The following CNTNAP2 variants were observed in gnomAD, a reference collection of about 807,000 sequenced individuals.
The protein encoded by CNTNAP2 is contactin associated protein 2.
Under a neutral mutation model 155.2 loss-of-function variants are expected in CNTNAP2, and 98 were observed. The observed-to-expected ratio is 0.63, with a 90% confidence interval of 0.54 to 0.75. The LOEUF (loss-of-function observed/expected upper bound fraction) is 0.75. CNTNAP2 is among the 30% of genes least tolerant of loss of function. The pLI is 0.00. For missense variants in CNTNAP2, 1,727 were observed against 1,688.1 expected (o/e 1.02, Z -0.40); for synonymous variants, 651 against 631.2 (o/e 1.03, Z -0.47).
intron 2 of CNTNAP2, among the ~76,000 whole-genome samples, chr7:146,838,081 T>C (rs944495241): frequency 3.9e-5 from 6 of 152,174 alleles, no homozygotes; most frequent in Non-Finnish European, 7.3e-5. Context: ...TGGGACTCTG[T>C]CCTGTTAATT....
At chr7:146,396,517 T>A (rs1639484) in intron 1 of CNTNAP2, among the ~76,000 whole-genome samples, 75,529 of 151,710 alleles carry the variant, frequency 0.5, 20,568 homozygotes, top group African/African-American at 0.72. Flanking sequence ...TTACTTGATT[T>A]GGCAATTATT....
intron 22 of CNTNAP2, among the ~76,000 whole-genome samples, chr7:148,407,862 G>C (rs1234392825): frequency 6.6e-6 from 1 of 152,156 alleles, no homozygotes; most frequent in African/African-American, 2.4e-5. Flanking sequence ...TAGTGTCTGT[G>C]CTTTTACTCA....
chr7:147,005,310 C>A (rs1464836511), intron 3 of CNTNAP2, among the ~76,000 whole-genome samples: 1 of 151,914 alleles, frequency 6.6e-6, no homozygotes, highest in Non-Finnish European at 1.5e-5. Flanking sequence ...TTCCTAGGAG[C>A]AACCCTTGTT....
At chr7:146,470,096 C>T (rs926026788) in intron 1 of CNTNAP2, among the ~76,000 whole-genome samples, 7 of 152,118 alleles carry the variant, frequency 4.6e-5, no homozygotes, top group Non-Finnish European at 1.0e-4. Context: ...GTCTCGGCCT[C>T]CCAAAGTGCT....
chr7:147,261,385 C>T (rs775387014), intron 8 of CNTNAP2, among the ~76,000 whole-genome samples: 1 of 152,156 alleles, frequency 6.6e-6, no homozygotes, highest in Non-Finnish European at 1.5e-5. Context: ...AACACACCCT[C>T]TACCCCCAGA....
chr7:147,570,980 T>C (rs1800277021), intron 12 of CNTNAP2, among the ~76,000 whole-genome samples: 1 of 152,208 alleles, frequency 6.6e-6, no homozygotes, highest in African/African-American at 2.4e-5. Context: ...TCATTATCTG[T>C]GGTTTGGACA....
intron 1 of CNTNAP2, among the ~76,000 whole-genome samples, chr7:146,612,348 GATT>G (rs1333431839): frequency 6.6e-6 from 1 of 152,106 alleles, no homozygotes; most frequent in Non-Finnish European, 1.5e-5. Context: ...AGATGTGAAA[GATT>G]ATTTCAGCTT....
At chr7:146,162,227 G>C (rs1321417181) in intron 1 of CNTNAP2, among the ~76,000 whole-genome samples, 7 of 152,114 alleles carry the variant, frequency 4.6e-5, no homozygotes, top group Admixed American at 2.6e-4. Context: ...GAACAGGCAA[G>C]CTACAGAATG....
chr7:147,209,073 T>C (rs1302729235), intron 8 of CNTNAP2, among the ~76,000 whole-genome samples: 2 of 152,000 alleles, frequency 1.3e-5, no homozygotes, highest in African/African-American at 4.8e-5. Flanking sequence ...TTATCCGGGG[T>C]CCTTTATGGT....
intron 16 of CNTNAP2, among the ~76,000 whole-genome samples, chr7:148,138,180 G>A (rs1804997181): frequency 6.6e-6 from 1 of 152,164 alleles, no homozygotes; most frequent in African/African-American, 2.4e-5. Context: ...TCCTTCCAAA[G>A]CCATAGCCTT....
chr7:147,207,926 T>A (rs1215786154), intron 8 of CNTNAP2, among the ~76,000 whole-genome samples: 3 of 152,156 alleles, frequency 2.0e-5, no homozygotes, highest in Non-Finnish European at 4.4e-5. Context: ...CATAGTGCTT[T>A]GAGTCTGTAC....
At chr7:147,612,401 CTTT>C (rs565607932) in intron 12 of CNTNAP2, among the ~76,000 whole-genome samples, 1 of 133,020 alleles carries the variant, frequency 7.5e-6, no homozygotes, top group Non-Finnish European at 1.6e-5. Context: ...AATTTTCTTT[CTTT>C]TTTTTTTTTT....
intron 1 of CNTNAP2, among the ~76,000 whole-genome samples, chr7:146,300,851 C>T (rs1025303929): frequency 3.9e-5 from 6 of 152,070 alleles, no homozygotes; most frequent in Admixed American, 2.0e-4. Context: ...TTGATGTTAA[C>T]TCTCAGTTTC....
At chr7:148,243,796 A>G (rs943463299) in intron 20 of CNTNAP2, among the ~76,000 whole-genome samples, 3 of 152,130 alleles carry the variant, frequency 2.0e-5, no homozygotes, top group African/African-American at 7.2e-5. Context: ...AAGACAAAAA[A>G]AAAAGAAAAA....
At chr7:146,953,329 G>A (rs1797360620) in intron 3 of CNTNAP2, among the ~76,000 whole-genome samples, 1 of 151,946 alleles carries the variant, frequency 6.6e-6, no homozygotes, top group Non-Finnish European at 1.5e-5. Context: ...GTATCATTTA[G>A]TGTGTATGTC....
At chr7:148,226,453 TGCAGCTG>T (rs1483199397) in intron 19 of CNTNAP2, among the ~76,000 whole-genome samples, 1 of 151,994 alleles carries the variant, frequency 6.6e-6, no homozygotes, top group Non-Finnish European at 1.5e-5. Flanking sequence ...GATAATTGGC[TGCAGCTG>T]GCACCAAGGA....
At chr7:148,202,313 A>G (rs1226259856) in intron 18 of CNTNAP2, among the ~76,000 whole-genome samples, 1 of 152,154 alleles carries the variant, frequency 6.6e-6, no homozygotes, top group East Asian at 1.9e-4. Flanking sequence ...AGATAGTAGT[A>G]TGTGTGTGTA....
intron 11 of CNTNAP2, among the ~76,000 whole-genome samples, chr7:147,515,321 C>CTTTTTTTTTTTTTTTTTTTTTTTTTTT (rs763147267): frequency 3.2e-5 from 4 of 126,166 alleles, no homozygotes; most frequent in Admixed American, 9.1e-5. Flanking sequence ...TCATTATATT[C>CTTTTTTTTTTTTTTTTTTTTTTTTTTT]TTTTTTTGTT....
Position 147,800,069 on chromosome 7 carries a change from A to T in CNTNAP2, c.2099-103496A>T, listed in dbSNP as rs192998556. 8.9e-4 allele frequency among the ~76,000 whole-genome samples: 135 copies of T among 152,358 alleles called. 2 individuals carry two copies. Among genetic ancestry groups the T allele is most frequent in the African/African-American group, 3.0e-3 (125 of 41,582 alleles). ...ATATAGTATGTGTCAAAATTAAATA[A>T]GATAATAATATAAGACAATGAGGCA... On this transcript the variant is annotated intron_variant, in intron 13 of 23. Coordinates refer to ENST00000361727, the MANE Select transcript of CNTNAP2 (RefSeq NM_014141.6).
Sources: allele counts gnomAD v4.1 joint callset (sites outside exome capture counted in the v4.1 genomes callset), GRCh38; gene constraint gnomAD v4.1.1; transcripts MANE v1.5; gene names NCBI Gene and HGNC (gene_info 2026-07-23, HGNC 2026-07-21).